UTS2B: variants seen among roughly 807,000 people sequenced by gnomAD.
UTS2B encodes urotensin-2B.
A neutral mutation model predicts 19.2 loss-of-function variants in UTS2B; 21 were observed. That is an observed-to-expected ratio of 1.09 (90% CI 0.78 to 1.58). UTS2B has a LOEUF of 1.58. Ranked by LOEUF, UTS2B falls within the 40% of genes most tolerant of loss-of-function variation. UTS2B has a pLI of 0.00. For synonymous variants in UTS2B, 57 were observed against 50.2 expected (o/e 1.14, Z -0.58); for missense variants, 138 against 130.3 (o/e 1.06, Z -0.29).
intron 4 of UTS2B, among the ~76,000 whole-genome samples, chr3:191,290,199 T>G (rs954205369): frequency 2.0e-5 from 3 of 152,184 alleles, no homozygotes; most frequent in African/African-American, 2.4e-5. Flanking sequence ...TCTCTCTCCT[T>G]AATAAAATAC....
chr3:191,333,325 T>C (rs564696342), upstream of UTS2B, among the ~76,000 whole-genome samples: 220 of 152,284 alleles, frequency 1.4e-3, no homozygotes, highest in Middle Eastern at 0.01. Context: ...TGGCATAATG[T>C]GTTAAATTAA....
At chr3:191,330,188 C>G (rs1213651626) in intron 1 of UTS2B, among the ~76,000 whole-genome samples, 2 of 152,094 alleles carry the variant, frequency 1.3e-5, no homozygotes, top group African/African-American at 4.8e-5. Context: ...TTTTCCTAGG[C>G]CGGCGTCTGG....
intron 2 of UTS2B, among the ~76,000 whole-genome samples, chr3:191,325,588 T>G (rs1183404377): frequency 6.6e-6 from 1 of 152,226 alleles, no homozygotes; most frequent in Non-Finnish European, 1.5e-5. Flanking sequence ...GGAACTTACA[T>G]ATGTTATGAG....
chr3:191,336,912 G>T, the UTS2B span, among the ~76,000 whole-genome samples: 1 of 152,186 alleles, frequency 6.6e-6, no homozygotes, highest in Non-Finnish European at 1.5e-5. Flanking sequence ...ACTGCCACTT[G>T]TTTTGTATAG....
intron 2 of UTS2B, among the ~76,000 whole-genome samples, chr3:191,321,806 C>T (rs1437652848): frequency 6.6e-6 from 1 of 152,152 alleles, no homozygotes; most frequent in Non-Finnish European, 1.5e-5. Context: ...GTGGGCAGAT[C>T]ACCTGAGGTC....
At chr3:191,305,992 T>C (rs973451915) in intron 3 of UTS2B, among the ~76,000 whole-genome samples, 1 of 152,210 alleles carries the variant, frequency 6.6e-6, no homozygotes, top group African/African-American at 2.4e-5. Flanking sequence ...TGCAGTCTAA[T>C]TTCTATGTTC....
chr3:191,289,391 A>G (rs532486939), intron 4 of UTS2B, among the ~76,000 whole-genome samples: 1 of 149,682 alleles, frequency 6.7e-6, no homozygotes, highest in African/African-American at 2.5e-5. Flanking sequence ...CCTGGGCAAC[A>G]GACCAAGACT....
In UTS2B at chr3:191,313,119, CAAGTAG is replaced by C; in HGVS notation, c.-182+2911_-182+2916del. Among the ~76,000 whole-genome samples the C allele has an allele frequency of 1.3e-5, 2 of 151,750 alleles. 1 individual carries two copies. Among genetic ancestry groups the C allele is most frequent in the South Asian group, 4.2e-4 (2 of 4,810 alleles). On this transcript the variant is annotated intron_variant, in intron 3 of 8. Transcript: ENST00000340524. ...AAGCAATTCTCCTGCCTCAGCCTCCCAAGTAGCTGGGATTACAGGCACCTGTCACCA... is the reference window on the plus strand; with the variant it reads ...AAGCAATTCTCCTGCCTCAGCCTCCCCTGGGATTACAGGCACCTGTCACCA...
chr3:191,337,803 T>G, the UTS2B span, among the ~76,000 whole-genome samples: 1 of 152,142 alleles, frequency 6.6e-6, no homozygotes, highest in Non-Finnish European at 1.5e-5. Flanking sequence ...TCCAACAGAT[T>G]TAACCACCTT....
chr3:191,342,171 C>T, the UTS2B span, among the ~76,000 whole-genome samples: 2 of 152,150 alleles, frequency 1.3e-5, no homozygotes, highest in Non-Finnish European at 2.9e-5. Context: ...TTTTGATTTC[C>T]GTAATCCAAG....
At position 191,278,084 on chromosome 3, in the gene UTS2B, G is replaced by T. The variant is rs1253837567; in HGVS notation, c.190C>A (p.Pro64Thr). The T allele has an allele frequency of 4.5e-6, 7 of 1,553,264 alleles. No individual in the cohort carries two copies. The highest frequency in any genetic ancestry group is 2.0e-5 in the Admixed American group (1 of 48,924). ...LLNKNFDFQR[P>T]FNTDLALPNK... ...ATGTTTAACTCACCAGTGTTGAAAG[G>T]TCTTTGGAAATCAAAATTTTTATTC... The change falls in exon 6 of 9, where the codon CCT becomes ACT. Residue 64 changes from proline to threonine, a missense_variant. Coordinates refer to ENST00000340524, the MANE Select transcript of UTS2B (RefSeq NM_198152.5).
intron 4 of UTS2B, among the ~76,000 whole-genome samples, chr3:191,303,958 T>C (rs1484992505): frequency 1.3e-5 from 2 of 152,038 alleles, no homozygotes; most frequent in African/African-American, 4.8e-5. Flanking sequence ...GAAGAAAGAA[T>C]TGCCTGGTGG....
At chr3:191,299,845 ACC>A (rs1716948145) in intron 4 of UTS2B, among the ~76,000 whole-genome samples, 1 of 152,136 alleles carries the variant, frequency 6.6e-6, no homozygotes, top group Non-Finnish European at 1.5e-5. Context: ...CGGGGGCTGA[ACC>A]CTGCAAAGTC....
chr3:191,291,077 AT>A (rs1716700293), intron 4 of UTS2B, among the ~76,000 whole-genome samples: 1 of 152,126 alleles, frequency 6.6e-6, no homozygotes, highest in African/African-American at 2.4e-5. Context: ...TCTTTTTTTC[AT>A]TTAAAAGAGT....
At chr3:191,325,886 CAT>C (rs1204788551) in intron 2 of UTS2B, among the ~76,000 whole-genome samples, 2 of 152,310 alleles carry the variant, frequency 1.3e-5, no homozygotes, top group South Asian at 2.1e-4. Context: ...CTGTGAAAAA[CAT>C]ATATAATAAT....
At chr3:191,340,797 T>G in the UTS2B span, among the ~76,000 whole-genome samples, 1 of 152,148 alleles carries the variant, frequency 6.6e-6, no homozygotes, top group Non-Finnish European at 1.5e-5. Flanking sequence ...AACTATTGAT[T>G]ATATTGTTAT....
At chr3:191,340,943 C>T in the UTS2B span, among the ~76,000 whole-genome samples, 2 of 152,198 alleles carry the variant, frequency 1.3e-5, no homozygotes, top group East Asian at 3.9e-4. Flanking sequence ...TCAAGTGATC[C>T]TTCTGCCTCA....
At chr3:191,279,122 C>A (rs774002521) in intron 5 of UTS2B, among the ~76,000 whole-genome samples, 1 of 151,950 alleles carries the variant, frequency 6.6e-6, no homozygotes, top group Non-Finnish European at 1.5e-5. Flanking sequence ...TTGATAAATT[C>A]AAACACTTAA....
At chr3:191,317,461 C>T (rs989699546) in intron 2 of UTS2B, among the ~76,000 whole-genome samples, 3 of 138,408 alleles carry the variant, frequency 2.2e-5, no homozygotes, top group Admixed American at 7.2e-5. Flanking sequence ...AGTGCAGCTG[C>T]GGGCGAAGGG....
Sources: gnomAD v4.1 joint callset for allele counts (sites outside exome capture counted in the v4.1 genomes callset) on GRCh38, gnomAD v4.1.1 for gene constraint, MANE v1.5 for transcripts, NCBI Gene and HGNC (gene_info 2026-07-23, HGNC 2026-07-21) for gene names.